The following ERBB4 variants were observed in gnomAD, a reference collection of about 807,000 sequenced individuals.
ERBB4 encodes the protein erb-b2 receptor tyrosine kinase 4.
ERBB4 carries 42 observed loss-of-function variants against 158.0 expected under a neutral mutation model. That is an observed-to-expected ratio of 0.27 (90% CI 0.21 to 0.34). The LOEUF (loss-of-function observed/expected upper bound fraction) is 0.34. Ranked by LOEUF, ERBB4 falls within the 10% of genes least tolerant of loss-of-function variation. The pLI is 1.00. For synonymous variants in ERBB4, 583 were observed against 558.7 expected, an observed-to-expected ratio of 1.04 and a Z score of -0.61; for missense variants, 1,333 against 1,624.1, an observed-to-expected ratio of 0.82 and a Z score of 3.08.
At chr2:212,008,305 T>C (rs574446242) in intron 2 of ERBB4, among the ~76,000 whole-genome samples, 1 of 152,200 alleles carries the variant, frequency 6.6e-6, no homozygotes, top group African/African-American at 2.4e-5. Flanking sequence ...AGTCGAGATT[T>C]ATTTATTTAT....
chr2:212,275,140 C>T (rs541705073), intron 1 of ERBB4, among the ~76,000 whole-genome samples: 6,977 of 151,808 alleles, frequency 0.046, 222 homozygotes, highest in African/African-American at 0.088. Context: ...TCATGGTGAA[C>T]ATGTGCCAAA....
Position 211,954,637 on chromosome 2 carries a change from C to T in ERBB4, c.235-7021G>A, listed in dbSNP as rs143270920. Among the ~76,000 whole-genome samples, 383 of 152,072 alleles carry T rather than the reference C, an allele frequency of 2.5e-3. 1 individual carries two copies. The highest frequency in any genetic ancestry group is 0.01 in the Middle Eastern group (3 of 294). ...TAGTATCACAGAGAAGAGTAGGGAA[C>T]AGAGAACTATGGTGGTAAGAGGGGG... On this transcript the variant is annotated intron_variant, in intron 2 of 27. Transcript: ENST00000342788.
At chr2:211,836,453 C>T (rs570486220) in intron 3 of ERBB4, among the ~76,000 whole-genome samples, 10 of 152,102 alleles carry the variant, frequency 6.6e-5, no homozygotes, top group East Asian at 1.9e-4. Context: ...GATATTTCTA[C>T]GAGGGAAATC....
At chr2:212,426,190 G>C (rs139001450) in intron 1 of ERBB4, 4 of 464,374 alleles carry the variant, frequency 8.6e-6, no homozygotes, top group Admixed American at 2.7e-5. Flanking sequence ...TTTATAGAAG[G>C]CTCCAAGCAA....
At chr2:212,386,247 C>T (rs190723736) in intron 1 of ERBB4, among the ~76,000 whole-genome samples, 157 of 152,086 alleles carry the variant, frequency 1.0e-3, no homozygotes, top group Middle Eastern at 6.8e-3. Flanking sequence ...ATTTGGCCCA[C>T]ACCTCTTTCC....
At chr2:211,504,960 C>T (rs1048944399) in intron 20 of ERBB4, among the ~76,000 whole-genome samples, 3 of 151,896 alleles carry the variant, frequency 2.0e-5, no homozygotes, top group African/African-American at 4.8e-5. Context: ...TGAAAAGCAA[C>T]CAAACTGAAG....
In ERBB4 at chr2:212,040,390, A is replaced by G. The variant is rs543135028; in HGVS notation, c.234+84362T>C. ...TTTCCTCATTTATGTGGTTTATTTC[A>G]CCTTATAACACAAGCTGATATGAAC... On this transcript the variant is annotated intron_variant, in intron 2 of 27. Transcript: ENST00000342788. Among the ~76,000 whole-genome samples the G allele has an allele frequency of 2.3e-4, 35 of 152,082 alleles. 1 individual carries two copies. In the South Asian group the frequency reaches 7.3e-3, roughly 32 times the overall value.
chr2:212,286,599 T>TTTTTTGTTGTTTTG (rs2085976187), intron 1 of ERBB4, among the ~76,000 whole-genome samples: 2 of 83,832 alleles, frequency 2.4e-5, no homozygotes, highest in East Asian at 5.5e-4. Flanking sequence ...GCTGACTTTT[T>TTTTTTGTTGTTTTG]TTTTTTTTTT....
chr2:212,388,842 A>G (rs2090762973), intron 1 of ERBB4, among the ~76,000 whole-genome samples: 2 of 152,092 alleles, frequency 1.3e-5, no homozygotes, highest in Admixed American at 6.6e-5. Context: ...GTTGATGAAA[A>G]GAATTTATTT....
chr2:211,910,780 T>A (rs1200795056), intron 3 of ERBB4, among the ~76,000 whole-genome samples: 1 of 152,192 alleles, frequency 6.6e-6, no homozygotes, highest in Non-Finnish European at 1.5e-5. Context: ...ATTAATTTCC[T>A]ATTATTCAGA....
At chr2:211,724,042 T>C (rs1483197844) in intron 6 of ERBB4, among the ~76,000 whole-genome samples, 3 of 152,234 alleles carry the variant, frequency 2.0e-5, no homozygotes, top group African/African-American at 7.2e-5. Context: ...GTTATTGTTT[T>C]GGAATTGTTA....
intron 1 of ERBB4, among the ~76,000 whole-genome samples, chr2:212,145,393 G>A (rs1423351734): frequency 3.3e-5 from 5 of 152,044 alleles, no homozygotes; most frequent in Admixed American, 2.6e-4. Context: ...GGTACCAATT[G>A]TTATAAATTT....
intron 1 of ERBB4, among the ~76,000 whole-genome samples, chr2:212,215,006 G>A (rs1210217885): frequency 2.0e-5 from 3 of 151,528 alleles, no homozygotes; most frequent in Non-Finnish European, 4.4e-5. Context: ...CATACTTTAT[G>A]AATCCCTGTA....
At chr2:211,608,359 G>T (rs1026677654) in intron 19 of ERBB4, among the ~76,000 whole-genome samples, 1 of 152,088 alleles carries the variant, frequency 6.6e-6, no homozygotes, top group African/African-American at 2.4e-5. Context: ...GTGATCTTTT[G>T]GAGGAGGCAG....
At chr2:212,450,821 G>GAAAAAAAA (rs57931477) in intron 1 of ERBB4, among the ~76,000 whole-genome samples, 6 of 92,854 alleles carry the variant, frequency 6.5e-5, no homozygotes, top group African/African-American at 1.5e-4. Context: ...TTTCAGCCGA[G>GAAAAAAAA]AAAAAAAAAA....
chr2:212,058,997 A>T (rs1214225127), intron 2 of ERBB4, among the ~76,000 whole-genome samples: 1 of 152,204 alleles, frequency 6.6e-6, no homozygotes, highest in Non-Finnish European at 1.5e-5. Flanking sequence ...GAGGAAGTCA[A>T]ATTGTCCCTG....
At chr2:211,671,852 A>G (rs887859531) in intron 14 of ERBB4, among the ~76,000 whole-genome samples, 5 of 152,206 alleles carry the variant, frequency 3.3e-5, no homozygotes, top group African/African-American at 1.2e-4. Context: ...TACAGAATTC[A>G]TATTTCTCAC....
chr2:211,457,658 T>C (rs950012533), intron 20 of ERBB4, among the ~76,000 whole-genome samples: 2 of 152,208 alleles, frequency 1.3e-5, no homozygotes, highest in African/African-American at 4.8e-5. Context: ...TCTTACATCA[T>C]GCATGCCTAA....
intron 1 of ERBB4, among the ~76,000 whole-genome samples, chr2:212,327,182 G>A (rs998207810): frequency 1.4e-5 from 2 of 142,684 alleles, no homozygotes; most frequent in Admixed American, 6.8e-5. Flanking sequence ...TTAAATTATG[G>A]CTATTATTAT....
Sources: allele counts gnomAD v4.1 joint callset (sites outside exome capture counted in the v4.1 genomes callset), GRCh38; gene constraint gnomAD v4.1.1; transcripts MANE v1.5; gene names NCBI Gene and HGNC (gene_info 2026-07-23, HGNC 2026-07-21).